The following SP100 variants were observed in gnomAD, a reference collection of about 807,000 sequenced individuals.
SP100 encodes the protein SP100 nuclear body protein.
Under a neutral mutation model 130.0 loss-of-function variants are expected in SP100, and 84 were observed. The observed-to-expected ratio is 0.65, with a 90% confidence interval of 0.54 to 0.77. The LOEUF (loss-of-function observed/expected upper bound fraction) is 0.77. SP100 is among the 30% of genes least tolerant of loss of function. SP100 has a pLI of 0.00. For missense variants in SP100, 978 were observed against 1,052.2 expected (o/e 0.93, Z 0.97); for synonymous variants, 331 against 351.7 (o/e 0.94, Z 0.66).
At chr2:230,523,584 C>G (rs1346485294) in intron 24 of SP100, among the ~76,000 whole-genome samples, 1 of 152,054 alleles carries the variant, frequency 6.6e-6, no homozygotes, top group African/African-American at 2.4e-5. Flanking sequence ...GACTTAAGAA[C>G]ATCTTTAATA....
intron 8 of SP100, among the ~76,000 whole-genome samples, chr2:230,451,229 T>C (rs183226724): frequency 7.2e-5 from 11 of 152,320 alleles, no homozygotes; most frequent in Non-Finnish European, 1.5e-5. Context: ...TTTTTCTTAG[T>C]GATTGTAGCA....
At chr2:230,417,825 T>A (rs986372959) in intron 2 of SP100, among the ~76,000 whole-genome samples, 160 bp downstream of exon 2, 1 of 152,164 alleles carries the variant, frequency 6.6e-6, no homozygotes, top group East Asian at 1.9e-4. Flanking sequence ...TGTCCTTTTT[T>A]TCGTGATATG....
intron 1 of SP100, chr2:230,416,629 T>G: frequency 1.7e-6 from 1 of 605,606 alleles, no homozygotes; most frequent in Non-Finnish European, 2.2e-6. Flanking sequence ...TGGGATTAAC[T>G]ATTTCCTCAT....
chr2:230,499,025 C>T (rs796536327), intron 19 of SP100, among the ~76,000 whole-genome samples: 57 of 152,242 alleles, frequency 3.7e-4, no homozygotes, highest in African/African-American at 1.2e-3. Flanking sequence ...CTTCTCATTC[C>T]GTGGATCTCC....
intron 26 of SP100, 143 bp downstream of exon 26, chr2:230,541,139 A>C: frequency 8.0e-7 from 1 of 1,243,942 alleles, no homozygotes; most frequent in Non-Finnish European, 1.1e-6. Context: ...CTAACGCTAC[A>C]ATTCATATTC....
intron 24 of SP100, among the ~76,000 whole-genome samples, chr2:230,520,292 C>T (rs1176000200): frequency 6.6e-6 from 1 of 152,182 alleles, no homozygotes; most frequent in Non-Finnish European, 1.5e-5. Context: ...TGGTCACAGA[C>T]AGAGAATGTT....
At chr2:230,501,729 G>A (rs2067038506) in intron 19 of SP100, among the ~76,000 whole-genome samples, 1 of 152,142 alleles carries the variant, frequency 6.6e-6, no homozygotes, top group African/African-American at 2.4e-5. Flanking sequence ...CAGAATAATG[G>A]GCACAGACCT....
intron 2 of SP100, among the ~76,000 whole-genome samples, chr2:230,432,804 T>C (rs550684560): frequency 6.6e-6 from 1 of 152,182 alleles, no homozygotes; most frequent in Non-Finnish European, 1.5e-5. Context: ...CTTTTCTTTC[T>C]CTTTATGGTA....
At chr2:230,465,936 G>C (rs1327066078) in intron 11 of SP100, among the ~76,000 whole-genome samples, 1 of 152,034 alleles carries the variant, frequency 6.6e-6, no homozygotes, top group Non-Finnish European at 1.5e-5. Flanking sequence ...TGTAATCCCA[G>C]CATTTTGGGA....
intron 27 of SP100, 75 bp downstream of exon 27, chr2:230,541,447 G>C (rs1376695630): frequency 1.5e-6 from 2 of 1,296,462 alleles, no homozygotes; most frequent in Non-Finnish European, 2.2e-6. Flanking sequence ...GGCACAAGGT[G>C]CCATTCTATT....
In SP100 at chr2:230,474,574, T is replaced by C. The variant is rs889763120; in HGVS notation, c.1600+127T>C. ...AGATTAAAGGGTGCATTTGCAGGTTTGTTACATGGGTAAATTGTGTGATGC... is the reference window on the plus strand; with the variant it reads ...AGATTAAAGGGTGCATTTGCAGGTTCGTTACATGGGTAAATTGTGTGATGC... On this transcript the variant is annotated intron_variant, in intron 17 of 28. Transcript: ENST00000340126. The C allele has an allele frequency of 2.0e-5, 12 of 594,900 alleles. No individual in the cohort carries two copies. The African/African-American group carries it at 2.3e-4, about 12-fold the overall frequency. 36.9% of individuals were successfully genotyped at this position (594,900 alleles called of 1,614,324 possible).
intron 2 of SP100, among the ~76,000 whole-genome samples, chr2:230,427,254 C>A (rs978217370): frequency 1.3e-5 from 2 of 151,938 alleles, no homozygotes; most frequent in Admixed American, 1.3e-4. Context: ...CTCTGCCTCC[C>A]GGGTTCAAGC....
rs2066822389 is a variant in SP100, at chr2:230,498,491, T to G, written c.1676T>G (p.Leu559Ter). 1.3e-6 allele frequency: 2 copies of G among 1,514,344 alleles called. No homozygotes were observed. The highest frequency in any genetic ancestry group is 1.8e-6 in the Non-Finnish European group (2 of 1,139,830). The allele number at this position is 1,514,344 out of a possible 1,614,324, so 93.8% of individuals were successfully genotyped here. A position where few individuals can be genotyped will look rare whatever the true frequency, so the allele number is the denominator to read the frequency against. ...AAGAAAGACAGACCTAGAAAACATT[T>G]AACTCTGAATAACAAAGTCCAAAAG... is the stretch of plus-strand genomic sequence containing the variant. ...GRKKDRPRKHLTLNNKVQKKR... is the reference protein window; with the variant it reads ...GRKKDRPRKH The change falls in exon 19 of 29, where the codon TTA becomes TGA. Residue 559 changes from leucine (L) to a stop codon, truncating the protein, a stop_gained. Transcript: ENST00000340126. LOFTEE classifies it high-confidence loss of function.
At chr2:230,470,601 TG>T (rs2065218182) in intron 15 of SP100, 1 of 221,452 alleles carries the variant, frequency 4.5e-6, no homozygotes, top group African/African-American at 2.3e-5. Context: ...CAATGTCTTT[TG>T]GCAAATAATA....
chr2:230,450,990 G>T (rs898451333), intron 8 of SP100, among the ~76,000 whole-genome samples: 2 of 152,186 alleles, frequency 1.3e-5, no homozygotes, highest in African/African-American at 4.8e-5. Context: ...CCTGATTTAT[G>T]ATGGTTAGAC....
intron 24 of SP100, among the ~76,000 whole-genome samples, chr2:230,522,448 T>C (rs1043004389): frequency 4.0e-5 from 6 of 151,326 alleles, no homozygotes; most frequent in Non-Finnish European, 8.8e-5. Context: ...TGTGATGTTC[T>C]CCTTTAGTGC....
chr2:230,542,158 A>G (rs1575825092), intron 28 of SP100, 123 bp downstream of exon 28: 3 of 1,049,746 alleles, frequency 2.9e-6, no homozygotes, highest in East Asian at 4.8e-5. Flanking sequence ...AGCCCATACA[A>G]GTACAAATCC....
intron 8 of SP100, among the ~76,000 whole-genome samples, chr2:230,460,464 A>T (rs1424963503): frequency 1.3e-5 from 2 of 152,150 alleles, no homozygotes; most frequent in Non-Finnish European, 2.9e-5. Context: ...CCATTTTTAT[A>T]AATTACACAA....
At chr2:230,429,460 C>T (rs148010847) in intron 2 of SP100, among the ~76,000 whole-genome samples, 3 of 152,236 alleles carry the variant, frequency 2.0e-5, no homozygotes, top group South Asian at 2.1e-4. Context: ...TGCTTGGGCA[C>T]CTTTCAGCCC....
Sources: allele counts gnomAD v4.1 joint callset (sites outside exome capture counted in the v4.1 genomes callset), GRCh38; gene constraint gnomAD v4.1.1; transcripts MANE v1.5; gene names NCBI Gene and HGNC (gene_info 2026-07-23, HGNC 2026-07-21).